MGRN1: variants seen among roughly 807,000 people sequenced by gnomAD.
MGRN1 encodes the protein mahogunin ring finger 1.
A neutral mutation model predicts 69.2 loss-of-function variants in MGRN1; 29 were observed. The observed-to-expected ratio is 0.42, with a 90% CI of 0.31 to 0.57. The LOEUF is 0.57. Ranked by LOEUF, MGRN1 falls within the 20% of genes least tolerant of loss-of-function variation. MGRN1 has a pLI of 0.15. For missense variants in MGRN1, 998 were observed against 796.2 expected, an observed-to-expected ratio of 1.25 and a Z score of -3.05; for synonymous variants, 470 against 344.2, an observed-to-expected ratio of 1.37 and a Z score of -4.04.
intron 11 of MGRN1, among the ~76,000 whole-genome samples, chr16:4,679,219 G>A (rs575139278): frequency 1.3e-5 from 2 of 152,210 alleles, no homozygotes; most frequent in South Asian, 2.1e-4. Context: ...GGGAGTGATC[G>A]ATGCTCAGGC....
intron 1 of MGRN1, among the ~76,000 whole-genome samples, chr16:4,646,528 A>G (rs2141866006): frequency 2.6e-5 from 4 of 151,904 alleles, no homozygotes; most frequent in Middle Eastern, 6.9e-3. Context: ...TGCTGGGTTT[A>G]GCGGGAGGCC....
rs1163020328 is a variant in MGRN1, at chr16:4,689,396, CTG to C, written c.*491_*492del. On this transcript the variant is annotated 3_prime_UTR_variant, in exon 17 of 17. Coordinates refer to ENST00000262370, the MANE Select transcript of MGRN1 (RefSeq NM_015246.4). ...GCCTGTCCACCCACCCTGCGTGTCA[CTG>C]TGGCGGCCTGGCTGTCGCTGCTTTT... 6.5e-6 allele frequency: 1 copy of C among 154,220 alleles called. No individual in the cohort carries two copies. The highest frequency in any genetic ancestry group is 2.4e-5 in the African/African-American group (1 of 41,534). 9.6% of individuals were successfully genotyped at this position (154,220 alleles called of 1,614,324 possible). A position where few individuals can be genotyped will look rare whatever the true frequency, so the allele number is the denominator to read the frequency against.
At chr16:4,667,183 C>G (rs542848609) in intron 7 of MGRN1, among the ~76,000 whole-genome samples, 1 of 152,356 alleles carries the variant, frequency 6.6e-6, no homozygotes, top group African/African-American at 2.4e-5. Flanking sequence ...CCACCCACCT[C>G]CAGCCCCATG....
At chr16:4,671,528 A>G (rs558773391) in intron 9 of MGRN1, 69 bp downstream of exon 9, 37 of 1,453,170 alleles carry the variant, frequency 2.5e-5, no homozygotes, top group African/African-American at 9.8e-5. Flanking sequence ...GCGGACAGCA[A>G]TGCTTGCCGG....
chr16:4,661,945 C>T lies in MGRN1; in HGVS notation c.562-2764C>T, dbSNP rs1375002527. On this transcript the variant is annotated intron_variant, in intron 5 of 16. Coordinates refer to ENST00000262370, the MANE Select transcript of MGRN1 (RefSeq NM_015246.4). Reference sequence around the variant, plus strand: ...CCAGATGGCAGGAAGCTGCGGTAGCCGTGTGCCAGGTGCCTGTGGGTATGG... The same window carrying T: ...CCAGATGGCAGGAAGCTGCGGTAGCTGTGTGCCAGGTGCCTGTGGGTATGG... Among the ~76,000 whole-genome samples the T allele has an allele frequency of 3.3e-5, 5 of 152,174 alleles. No homozygotes were observed. The East Asian group carries it at 5.8e-4, about 18-fold the overall frequency.
Position 4,624,841 on chromosome 16 carries a change from C to T in MGRN1, c.-120C>T. ...AGCCGGGGGTGGGGGCTCGAGGCGC[C>T]TCCGCGGCCGTGGACGAGCGTCCGT... On this transcript the variant is annotated 5_prime_UTR_variant, in exon 1 of 17. Coordinates refer to ENST00000262370, the MANE Select transcript of MGRN1 (RefSeq NM_015246.4). 2.5e-6 allele frequency: 2 copies of T among 798,396 alleles called. No homozygotes were observed. Among genetic ancestry groups the T allele is most frequent in the Non-Finnish European group, 3.5e-6 (2 of 573,458 alleles). 49.5% of individuals were successfully genotyped at this position (798,396 alleles called of 1,614,324 possible). A position where few individuals can be genotyped will look rare whatever the true frequency, so the allele number is the denominator to read the frequency against.
chr16:4,641,916 A>T (rs960011768), intron 1 of MGRN1, among the ~76,000 whole-genome samples: 33 of 151,740 alleles, frequency 2.2e-4, no homozygotes, highest in Non-Finnish European at 1.9e-4. Flanking sequence ...TGGCCTCCTA[A>T]AGTGCTGGGA....
At chr16:4,676,351 G>A (rs371074442) in intron 10 of MGRN1, among the ~76,000 whole-genome samples, 1 of 152,378 alleles carries the variant, frequency 6.6e-6, no homozygotes, top group African/African-American at 2.4e-5. Context: ...GAGGCAGGCA[G>A]TGTTGAGGAC....
chr16:4,629,150 A>ATG (rs377682804), intron 1 of MGRN1, among the ~76,000 whole-genome samples: 18,555 of 127,058 alleles, frequency 0.15, 1,296 homozygotes, highest in South Asian at 0.24. Flanking sequence ...TTCTGTTCGT[A>ATG]TGTGTGTGTG....
intron 5 of MGRN1, among the ~76,000 whole-genome samples, chr16:4,662,166 A>T (rs1044543064): frequency 2.0e-5 from 3 of 152,004 alleles, no homozygotes; most frequent in African/African-American, 7.3e-5. Context: ...TTTGGTAGGA[A>T]ATTCGCTGTG....
chr16:4,671,567 T>C, intron 9 of MGRN1, 108 bp downstream of exon 9: 1 of 916,282 alleles, frequency 1.1e-6, no homozygotes, highest in Non-Finnish European at 1.8e-6. Context: ...CCTGGAGTCC[T>C]AGACCCGCTA....
intron 4 of MGRN1, among the ~76,000 whole-genome samples, chr16:4,656,910 TAAATAAATAAATAAATAAAC>T (rs2078555876): frequency 6.7e-6 from 1 of 149,398 alleles, no homozygotes; most frequent in African/African-American, 2.4e-5. Context: ...AATAAATAAA[TAAATAAATAAATAAATAAAC>T]AAACCAACTT....
chr16:4,665,263 T>A, intron 7 of MGRN1, 112 bp downstream of exon 7: 1 of 1,171,096 alleles, frequency 8.5e-7, no homozygotes, highest in South Asian at 1.4e-5. Flanking sequence ...TGGCTGAGTG[T>A]CAAGGGCCCC....
chr16:4,686,243 C>CCGAGCTAACCGAGGG, intron 16 of MGRN1: 1 of 1,541,946 alleles, frequency 6.5e-7, no homozygotes, highest in African/African-American at 1.4e-5. Context: ...GTCTGTCTCT[C>CCGAGCTAACCGAGGG]CCCCTCTCCG....
In MGRN1 at chr16:4,682,919, G is replaced by A. The variant is rs757473723; in HGVS notation, c.1455G>A (p.Leu485=). The part of the protein sequence containing the change: ...DAPPPLGGAE[L]ALRESSSPES... Reference sequence around the variant, plus strand: ...CTCCCCCACTGGGTGGCGCAGAGCTGGCCCTGCGGGAAAGCAGCTCCCCTG... The same window carrying A: ...CTCCCCCACTGGGTGGCGCAGAGCTAGCCCTGCGGGAAAGCAGCTCCCCTG... Residue 485 remains leucine, a synonymous_variant, in exon 14 of 17, where the codon CTG becomes CTA. Transcript: ENST00000262370. The A allele has an allele frequency of 1.1e-5, 18 of 1,599,924 alleles. No individual in the cohort carries two copies. The highest frequency in any genetic ancestry group is 1.5e-5 in the Non-Finnish European group (17 of 1,170,880).
chr16:4,683,409 G>A (rs1427513954), intron 15 of MGRN1, 140 bp downstream of exon 15: 12 of 999,004 alleles, frequency 1.2e-5, no homozygotes, highest in Middle Eastern at 2.4e-4. Context: ...CCCCCTCGGC[G>A]GCACTGGGAT....
Position 4,624,864 on chromosome 16 carries a change from C to G in MGRN1, c.-97C>G, listed in dbSNP as rs1448915151. The stretch of plus-strand genomic sequence containing the variant: ...GCCTCCGCGGCCGTGGACGAGCGTC[C>G]GTGCGGCCTGGTCCGGGCCATGTCC... On this transcript the variant is annotated 5_prime_UTR_variant, in exon 1 of 17. Coordinates refer to ENST00000262370, the MANE Select transcript of MGRN1 (RefSeq NM_015246.4). 1.3e-5 allele frequency: 13 copies of G among 1,026,648 alleles called. No homozygotes were observed. Among genetic ancestry groups the G allele is most frequent in the East Asian group, 3.5e-5 (1 of 28,696 alleles). 63.6% of individuals were successfully genotyped at this position (1,026,648 alleles called of 1,614,324 possible). A position where few individuals can be genotyped will look rare whatever the true frequency, so the allele number is the denominator to read the frequency against.
At position 4,625,030 on chromosome 16, in the gene MGRN1, C is replaced by G. The variant is rs1389726955; in HGVS notation, c.70C>G (p.Arg24Gly). Reference protein sequence around the residue: ...DIDIQANSAYRYPPKSGNYFA... With the variant: ...DIDIQANSAYGYPPKSGNYFA... ...CGACATCCAGGCGAACTCGGCCTAT[C>G]GCTACCCTCCGAAGTCCGGTGAGCG... Residue 24 changes from arginine (R) to glycine (G), a missense_variant, in exon 1 of 17, where the codon CGC becomes GGC. By Grantham distance (125) the Arg-to-Gly change is moderately radical (BLOSUM62 -2). Coordinates refer to ENST00000262370, the MANE Select transcript of MGRN1 (RefSeq NM_015246.4). 6.4e-7 allele frequency: 1 copy of G among 1,552,408 alleles called. No individual in the cohort carries two copies.
Position 4,687,224 on chromosome 16 carries a change from C to A in MGRN1, c.1619-1572C>A. 5.1e-6 allele frequency: 5 copies of A among 985,430 alleles called. No homozygotes were observed. In the South Asian group the frequency reaches 2.3e-4, roughly 46 times the overall value. The allele number at this position is 985,430 out of a possible 1,614,324, so 61.0% of individuals were successfully genotyped here. On this transcript the variant is annotated intron_variant, in intron 16 of 16. Coordinates refer to ENST00000262370, the MANE Select transcript of MGRN1 (RefSeq NM_015246.4). Reference sequence around the variant, plus strand: ...ATCCCCCATCCCCCCCAAGAGGCGCCCTCTACCAGGGTGGCCCAGGTGAGT... The same window carrying A: ...ATCCCCCATCCCCCCCAAGAGGCGCACTCTACCAGGGTGGCCCAGGTGAGT...
Sources: allele counts gnomAD v4.1 joint callset (sites outside exome capture counted in the v4.1 genomes callset), GRCh38; gene constraint gnomAD v4.1.1; transcripts MANE v1.5; gene names NCBI Gene and HGNC (gene_info 2026-07-23, HGNC 2026-07-21).